Variants in FIBCD1 observed in about 807,000 individuals in gnomAD.
FIBCD1 encodes the protein fibrinogen C domain containing 1.
Under a neutral mutation model 45.1 loss-of-function variants are expected in FIBCD1, and 47 were observed. That is an observed-to-expected ratio of 1.04 (90% confidence interval 0.82 to 1.33). The LOEUF (loss-of-function observed/expected upper bound fraction) is 1.33, where lower values mean the gene tolerates loss of function less well. Among genes scored for constraint, FIBCD1 ranks in the 40% most tolerant of loss-of-function variants. FIBCD1 has a pLI of 0.00. For synonymous variants in FIBCD1, 313 were observed against 308.1 expected, an observed-to-expected ratio of 1.02 and a Z score of -0.17; for missense variants, 653 against 682.2, an observed-to-expected ratio of 0.96 and a Z score of 0.48.
At position 130,903,893 on chromosome 9, in the gene FIBCD1, A is replaced by G; in HGVS notation, c.*171T>C. The G allele has an allele frequency of 1.2e-6, 1 of 816,342 alleles. No individual in the cohort carries two copies. 50.6% of individuals were successfully genotyped at this position (816,342 alleles called of 1,614,324 possible). On this transcript the variant is annotated 3_prime_UTR_variant, in exon 7 of 7. Transcript: ENST00000372338. ...AGGGGGTGGGGACGGCGAGAAGGCGATGTGTGACTTCACCGGCCCAGGGAG... is the reference window on the plus strand; with the variant it reads ...AGGGGGTGGGGACGGCGAGAAGGCGGTGTGTGACTTCACCGGCCCAGGGAG...
chr9:130,938,434 C>G, intron 1 of FIBCD1, 102 bp downstream of exon 1: 1 of 992,384 alleles, frequency 1.0e-6, no homozygotes, highest in Non-Finnish European at 1.4e-6. Flanking sequence ...CGAAGGGGTG[C>G]GCCCCAAACT....
At chr9:130,937,775 C>T (rs1832541295) in intron 1 of FIBCD1, among the ~76,000 whole-genome samples, 1 of 152,206 alleles carries the variant, frequency 6.6e-6, no homozygotes, top group Non-Finnish European at 1.5e-5. Context: ...CTCCAGCCCC[C>T]TTGCTGGCCA....
At chr9:130,906,325 C>A (rs548129624) in intron 5 of FIBCD1, among the ~76,000 whole-genome samples, 2 of 152,310 alleles carry the variant, frequency 1.3e-5, no homozygotes, top group East Asian at 3.9e-4. Context: ...AAGTTAGTAG[C>A]AGCGAGTGGT....
Position 130,903,922 on chromosome 9 carries a change from C to A in FIBCD1, c.*142G>T. 1 of 1,107,514 alleles carries A rather than the reference C, an allele frequency of 9.0e-7. No homozygotes were observed. The highest frequency in any genetic ancestry group is 1.3e-6 in the Non-Finnish European group (1 of 745,332). The allele number at this position is 1,107,514 out of a possible 1,614,324, so 68.6% of individuals were successfully genotyped here. A position where few individuals can be genotyped will look rare whatever the true frequency, so the allele number is the denominator to read the frequency against. On this transcript the variant is annotated 3_prime_UTR_variant, in exon 7 of 7. Transcript: ENST00000372338. Reference sequence around the variant, plus strand: ...GTGACTTCACCGGCCCAGGGAGCTTCGTGTCAGGGATGGCCCGGCCCCTCC... The same window carrying A: ...GTGACTTCACCGGCCCAGGGAGCTTAGTGTCAGGGATGGCCCGGCCCCTCC...
intron 4 of FIBCD1, among the ~76,000 whole-genome samples, chr9:130,920,662 C>A (rs1046224590): frequency 6.6e-6 from 1 of 152,110 alleles, no homozygotes; most frequent in Non-Finnish European, 1.5e-5. Flanking sequence ...CTGAGGACCA[C>A]CTGCCGCCTC....
rs965583948 is a variant in FIBCD1, at chr9:130,939,199, C to T, written c.-592G>A. The T allele has an allele frequency of 6.6e-6, 1 of 152,030 alleles. No homozygotes were observed. Among genetic ancestry groups the T allele is most frequent in the Admixed American group, 6.5e-5 (1 of 15,276 alleles). 9.4% of individuals were successfully genotyped at this position (152,030 alleles called of 1,614,324 possible). A position where few individuals can be genotyped will look rare whatever the true frequency, so the allele number is the denominator to read the frequency against. On this transcript the variant is annotated 5_prime_UTR_variant, in exon 1 of 7. Coordinates refer to ENST00000372338, the MANE Select transcript of FIBCD1 (RefSeq NM_032843.5). ...GCGGCGCCTCTGCACAAACTTCCTC[C>T]CGGACCGGACTCACACAAGTCACCA...
intron 5 of FIBCD1, 62 bp downstream of exon 5, chr9:130,911,730 A>G (rs1056328583): frequency 2.0e-6 from 3 of 1,468,002 alleles, no homozygotes; most frequent in Non-Finnish European, 2.8e-6. Context: ...CTGGGACCCA[A>G]CTGTGTCCGG....
rs188266295 is a variant in FIBCD1, at chr9:130,922,109, C to A, written c.849+1635G>T. Among the ~76,000 whole-genome samples the A allele has an allele frequency of 6.6e-6, 1 of 152,360 alleles. No individual in the cohort carries two copies. The highest frequency in any genetic ancestry group is 6.5e-5 in the Admixed American group (1 of 15,310). On this transcript the variant is annotated intron_variant, in intron 4 of 6. Coordinates refer to ENST00000372338, the MANE Select transcript of FIBCD1 (RefSeq NM_032843.5). The surrounding 1 kb of genome is among the most constrained non-coding windows in gnomAD (Gnocchi z 4.5). ...TCCCCGCCAAGAGGCTTCCCTCTCT[C>A]CTGTTTCTCGGTCACTTGTTTTGTC... is the stretch of plus-strand genomic sequence containing the variant.
chr9:130,912,037 ACGG>A, intron 4 of FIBCD1, 149 bp from the exon 5 acceptor site: 1 of 653,968 alleles, frequency 1.5e-6, no homozygotes, highest in Non-Finnish European at 2.6e-6. Flanking sequence ...ACTTCCCGCA[ACGG>A]CCCCTGGCCA....
intron 4 of FIBCD1, among the ~76,000 whole-genome samples, chr9:130,913,526 C>T (rs1028160097): frequency 1.3e-5 from 2 of 152,210 alleles, no homozygotes; most frequent in Admixed American, 6.5e-5. Context: ...GCAGCTCTGA[C>T]GTCAGGGAGC....
chr9:130,907,434 C>T (rs1174161252), intron 5 of FIBCD1, among the ~76,000 whole-genome samples: 1 of 152,230 alleles, frequency 6.6e-6, no homozygotes, highest in Admixed American at 6.5e-5. Context: ...CCCAGATTCC[C>T]TGGGCCCCTG....
intron 2 of FIBCD1, 125 bp from the exon 3 acceptor site, chr9:130,924,521 C>G: frequency 1.1e-6 from 1 of 902,788 alleles, no homozygotes; most frequent in Non-Finnish European, 1.6e-6. Context: ...GGCTCAAGGC[C>G]CCGCCCTGCC....
At position 130,929,600 on chromosome 9, in the gene FIBCD1, G is replaced by A. The variant is rs141501228; in HGVS notation, c.519C>T (p.Ser173=). The change falls in exon 2 of 7, where the codon AGC becomes AGT. Residue 173 remains serine, a synonymous_variant. Transcript: ENST00000372338. ...KGHGTLGQGL[S]ALQSEQGRLI... ...GGCGGCCCTGCTCACTCTGCAGGGCGCTGAGGCCCTGGCCCAGCGTGCCAT... is the reference window on the plus strand; with the variant it reads ...GGCGGCCCTGCTCACTCTGCAGGGCACTGAGGCCCTGGCCCAGCGTGCCAT... 30 of 1,520,834 alleles carry A rather than the reference G, an allele frequency of 2.0e-5. No individual in the cohort carries two copies. In the East Asian group the frequency reaches 3.0e-4, roughly 15 times the overall value. The allele number at this position is 1,520,834 out of a possible 1,614,324, so 94.2% of individuals were successfully genotyped here. A position where few individuals can be genotyped will look rare whatever the true frequency, so the allele number is the denominator to read the frequency against.
rs550375715 is a variant in FIBCD1 at position 130,911,680 on chromosome 9, G to A, written c.946+112C>T. ...ACCTGTGAGCTGGCTCAGGTGTGCC[G>A]AGGCCAGGGAAACCCAGCCCAAACC... On this transcript the variant is annotated intron_variant, in intron 5 of 6. Coordinates refer to ENST00000372338, the MANE Select transcript of FIBCD1 (RefSeq NM_032843.5). The A allele has an allele frequency of 2.5e-4, 225 of 892,476 alleles. No individual in the cohort carries two copies. The East Asian group carries it at 2.9e-3, about 12-fold the overall frequency. The allele number at this position is 892,476 out of a possible 1,614,324, so 55.3% of individuals were successfully genotyped here. A position where few individuals can be genotyped will look rare whatever the true frequency, so the allele number is the denominator to read the frequency against.
intron 2 of FIBCD1, among the ~76,000 whole-genome samples, 183 bp downstream of exon 2, chr9:130,929,384 T>C (rs1832407354): frequency 1.3e-5 from 2 of 152,168 alleles, no homozygotes; most frequent in African/African-American, 4.8e-5. Context: ...TGTGCGGCCC[T>C]GGATGAGTGA....
At chr9:130,911,272 C>G (rs941633954) in intron 5 of FIBCD1, among the ~76,000 whole-genome samples, 10 of 152,136 alleles carry the variant, frequency 6.6e-5, no homozygotes, top group African/African-American at 2.2e-4. Context: ...AGGCGCGCTA[C>G]CTTAAGAGCT....
At chr9:130,939,562 T>C (rs1832582665), upstream of FIBCD1, among the ~76,000 whole-genome samples, 1 of 151,752 alleles carries the variant, frequency 6.6e-6, no homozygotes, top group African/African-American at 2.4e-5. Flanking sequence ...GACGCCCCCT[T>C]GCCCGGGCGG....
intron 1 of FIBCD1, chr9:130,933,985 GTT>G (rs1426468123): frequency 6.6e-6 from 1 of 152,450 alleles, no homozygotes; most frequent in Non-Finnish European, 1.5e-5. Context: ...GCAGGCAGCT[GTT>G]CTGCATGACA....
rs765322332 is a variant in FIBCD1, at chr9:130,904,149, C to T, written c.1301G>A (p.Gly434Asp). ...LRGAHASYADGVEWSSWTGWQ... is the reference protein window; with the variant it reads ...LRGAHASYADDVEWSSWTGWQ... ...GCCGGTCCAGGAGGACCACTCCACG[C>T]CGTCGGCATAGGAGGCGTGCGCACC... is the stretch of plus-strand genomic sequence containing the variant. Residue 434 changes from glycine (G) to aspartate (D), a missense_variant, in exon 7 of 7, where the codon GGC becomes GAC. Transcript: ENST00000372338. The T allele has an allele frequency of 1.2e-5, 19 of 1,613,466 alleles. No homozygotes were observed. The Admixed American group carries it at 3.2e-4, about 27-fold the overall frequency.
Sources: allele counts gnomAD v4.1 joint callset (sites outside exome capture counted in the v4.1 genomes callset), GRCh38; gene constraint gnomAD v4.1.1; non-coding constraint Gnocchi (gnomAD v3.1); transcripts MANE v1.5; gene names NCBI Gene and HGNC (gene_info 2026-07-23, HGNC 2026-07-21).